The following NELL1 variants were observed in gnomAD, a reference collection of about 807,000 sequenced individuals.
NELL1 encodes neural EGFL like 1, also known as protein kinase C-binding protein NELL1.
In NELL1, 76 loss-of-function variants were observed where a neutral mutation model predicts 107.4. The observed-to-expected ratio is 0.71, with a 90% CI of 0.59 to 0.86. NELL1 has a LOEUF of 0.86. NELL1 is among the 40% of genes least tolerant of loss of function. The pLI, the probability that NELL1 is intolerant of heterozygous loss-of-function variation, is 0.00. For synonymous variants in NELL1, 353 were observed against 341.2 expected (o/e 1.03, Z -0.38); for missense variants, 1,024 against 1,005.5 (o/e 1.02, Z -0.25).
chr11:20,833,862 T>C (rs1233334973), intron 3 of NELL1, among the ~76,000 whole-genome samples: 1 of 152,086 alleles, frequency 6.6e-6, no homozygotes, highest in Non-Finnish European at 1.5e-5. Flanking sequence ...GAAAGAACGT[T>C]GGTGTGTAGA....
chr11:20,693,212 C>T (rs1590209854), intron 2 of NELL1, among the ~76,000 whole-genome samples: 1 of 152,168 alleles, frequency 6.6e-6, no homozygotes, highest in African/African-American at 2.4e-5. Context: ...CTGAATACAG[C>T]ACACTGATGG....
At chr11:21,076,508 A>T (rs574490329) in intron 12 of NELL1, among the ~76,000 whole-genome samples, 53 of 152,350 alleles carry the variant, frequency 3.5e-4, no homozygotes, top group African/African-American at 1.2e-3. Flanking sequence ...TTCCTAGGAC[A>T]AAAATCCTTC....
chr11:21,133,679 T>A (rs1024444601), intron 13 of NELL1, among the ~76,000 whole-genome samples: 1 of 137,628 alleles, frequency 7.3e-6, no homozygotes, highest in African/African-American at 2.7e-5. Context: ...TGCTCCAAAA[T>A]CAGAGCAGGA....
intron 5 of NELL1, among the ~76,000 whole-genome samples, chr11:20,886,309 T>C (rs1280843381): frequency 6.6e-6 from 1 of 152,130 alleles, no homozygotes; most frequent in Non-Finnish European, 1.5e-5. Context: ...GATACAGTGA[T>C]AAAATAAATT....
chr11:21,491,751 T>G (rs1466988187), intron 15 of NELL1, among the ~76,000 whole-genome samples: 2 of 152,140 alleles, frequency 1.3e-5, no homozygotes, highest in African/African-American at 4.8e-5. Flanking sequence ...ATTGGTAGCT[T>G]GATGGGGATG....
intron 3 of NELL1, among the ~76,000 whole-genome samples, chr11:20,819,362 A>G (rs1455281360): frequency 1.3e-5 from 2 of 152,168 alleles, no homozygotes; most frequent in African/African-American, 4.8e-5. Flanking sequence ...ACAGTGTTGC[A>G]TTCATGATTG....
intron 12 of NELL1, among the ~76,000 whole-genome samples, chr11:21,052,385 T>C (rs1366437629): frequency 6.6e-6 from 1 of 151,984 alleles, no homozygotes; most frequent in Admixed American, 6.6e-5. Flanking sequence ...GGCAGGCAGA[T>C]CACTTAGGAG....
intron 14 of NELL1, among the ~76,000 whole-genome samples, chr11:21,309,578 G>A (rs1047077520): frequency 3.3e-5 from 5 of 151,710 alleles, no homozygotes; most frequent in Non-Finnish European, 7.4e-5. Context: ...GTATTCTAAT[G>A]TTGCTTATTG....
At chr11:21,228,979 T>G (rs1857970725) in intron 13 of NELL1, among the ~76,000 whole-genome samples, 1 of 151,876 alleles carries the variant, frequency 6.6e-6, no homozygotes, top group Non-Finnish European at 1.5e-5. Flanking sequence ...ATCAAATGTT[T>G]GCAGGATGAG....
At chr11:21,564,336 G>A (rs1383437355) in intron 17 of NELL1, among the ~76,000 whole-genome samples, 1 of 151,986 alleles carries the variant, frequency 6.6e-6, no homozygotes, top group Non-Finnish European at 1.5e-5. Context: ...GATGATGCTA[G>A]AGACTTAGTG....
chr11:20,852,911 T>C (rs984284783), intron 4 of NELL1, among the ~76,000 whole-genome samples: 1 of 152,196 alleles, frequency 6.6e-6, no homozygotes, highest in Non-Finnish European at 1.5e-5. Flanking sequence ...AGAGATGTGG[T>C]AAGGCAGTCA....
intron 13 of NELL1, among the ~76,000 whole-genome samples, chr11:21,209,965 A>G (rs918302362): frequency 3.9e-5 from 6 of 152,138 alleles, no homozygotes; most frequent in Non-Finnish European, 5.9e-5. Context: ...TGGACATTTT[A>G]TATAAATAGG....
intron 12 of NELL1, among the ~76,000 whole-genome samples, chr11:20,992,695 T>TAGGCAAA (rs1279413022): frequency 6.8e-6 from 1 of 147,822 alleles, no homozygotes; most frequent in Non-Finnish European, 1.5e-5. Context: ...GCTACTTCCC[T>TAGGCAAA]AGGCAAAAGT....
At chr11:21,552,405 G>C (rs1218821166) in intron 16 of NELL1, among the ~76,000 whole-genome samples, 1 of 151,698 alleles carries the variant, frequency 6.6e-6, no homozygotes, top group African/African-American at 2.4e-5. Context: ...GTTCAGTCAT[G>C]GATAGGATCT....
chr11:21,213,488 GA>G (rs1857547674), intron 13 of NELL1, among the ~76,000 whole-genome samples: 1 of 151,906 alleles, frequency 6.6e-6, no homozygotes, highest in African/African-American at 2.4e-5. Context: ...TGAATCGACT[GA>G]ATCAATTGAA....
intron 15 of NELL1, among the ~76,000 whole-genome samples, chr11:21,499,552 A>T (rs995379574): frequency 6.6e-6 from 1 of 152,120 alleles, no homozygotes; most frequent in African/African-American, 2.4e-5. Flanking sequence ...AAATTCATCA[A>T]CTGGAATGTC....
At chr11:21,112,631 T>C (rs1299521403) in intron 12 of NELL1, among the ~76,000 whole-genome samples, 2 of 152,056 alleles carry the variant, frequency 1.3e-5, no homozygotes, top group African/African-American at 4.8e-5. Context: ...TGGGATTGCA[T>C]ATGGATTGAA....
At chr11:21,169,914 C>T (rs1856566623) in intron 13 of NELL1, 4 of 1,464,220 alleles carry the variant, frequency 2.7e-6, no homozygotes, top group East Asian at 4.6e-5. Flanking sequence ...TCCACCGATG[C>T]CTTTTATGGC....
At chr11:20,893,258 G>T (rs551061276) in intron 5 of NELL1, among the ~76,000 whole-genome samples, 1 of 151,864 alleles carries the variant, frequency 6.6e-6, no homozygotes, top group African/African-American at 2.4e-5. Flanking sequence ...GGGCCTGTTG[G>T]GGGGTGAGGG....
Sources: gnomAD v4.1 joint callset for allele counts (sites outside exome capture counted in the v4.1 genomes callset) on GRCh38, gnomAD v4.1.1 for gene constraint, MANE v1.5 for transcripts, NCBI Gene and HGNC (gene_info 2026-07-23, HGNC 2026-07-21) for gene names.